Variants in CNTN5 observed in about 807,000 individuals in gnomAD.
CNTN5 encodes contactin-5.
Under a neutral mutation model 129.1 loss-of-function variants are expected in CNTN5, and 77 were observed. That is an observed-to-expected ratio of 0.60 (90% CI 0.50 to 0.72). The LOEUF is 0.72. Ranked by LOEUF, CNTN5 falls within the 30% of genes least tolerant of loss-of-function variation. The probability of loss-of-function intolerance (pLI) is 0.00; values close to 1 mark genes in which losing one functional copy is unlikely to be tolerated. For missense variants in CNTN5, 1,478 were observed against 1,328.8 expected (o/e 1.11, Z -1.75); for synonymous variants, 509 against 465.6 (o/e 1.09, Z -1.20).
chr11:99,325,891 T>C (rs1402595442), intron 2 of CNTN5, among the ~76,000 whole-genome samples: 2 of 152,178 alleles, frequency 1.3e-5, no homozygotes, highest in African/African-American at 4.8e-5. Flanking sequence ...TTTGTGCTTT[T>C]TGTATGTGCT....
intron 1 of CNTN5, among the ~76,000 whole-genome samples, chr11:99,121,493 CAT>C (rs1376495715): frequency 1.3e-5 from 2 of 152,220 alleles, no homozygotes; most frequent in African/African-American, 2.4e-5. Flanking sequence ...CTGCCACTGA[CAT>C]ATTCTGGCCT....
intron 13 of CNTN5, among the ~76,000 whole-genome samples, chr11:100,140,585 T>G (rs535766509): frequency 1.3e-5 from 2 of 150,402 alleles, no homozygotes; most frequent in Admixed American, 6.6e-5. Context: ...TATCAGGGGG[T>G]TTTAATTACT....
At chr11:99,435,795 C>T (rs1943576387) in intron 2 of CNTN5, among the ~76,000 whole-genome samples, 1 of 152,138 alleles carries the variant, frequency 6.6e-6, no homozygotes, top group Non-Finnish European at 1.5e-5. Context: ...TATACATAGA[C>T]AAGCTTCAAT....
chr11:99,096,962 T>C (rs1055342090), intron 1 of CNTN5, among the ~76,000 whole-genome samples: 12 of 151,918 alleles, frequency 7.9e-5, no homozygotes, highest in Non-Finnish European at 1.8e-4. Flanking sequence ...TGTCCTGTTA[T>C]AAGAATTTAA....
At chr11:100,076,280 T>G (rs754490914) in intron 13 of CNTN5, among the ~76,000 whole-genome samples, 1 of 152,150 alleles carries the variant, frequency 6.6e-6, no homozygotes. Context: ...AATGCATGAC[T>G]TTGTTTTATG....
intron 6 of CNTN5, among the ~76,000 whole-genome samples, chr11:99,850,327 C>A (rs912869205): frequency 2.0e-5 from 3 of 152,116 alleles, no homozygotes; most frequent in Non-Finnish European, 2.9e-5. Flanking sequence ...AAGATAACTG[C>A]AGCTATTGTC....
intron 3 of CNTN5, among the ~76,000 whole-genome samples, chr11:99,608,418 A>G (rs962269643): frequency 1.3e-5 from 2 of 152,154 alleles, no homozygotes; most frequent in African/African-American, 4.8e-5. Flanking sequence ...AACAATGTTG[A>G]CCTTCTAACC....
intron 1 of CNTN5, among the ~76,000 whole-genome samples, chr11:99,153,766 A>G (rs117380357): frequency 0.051 from 7,104 of 140,186 alleles, 193 homozygotes; most frequent in Middle Eastern, 0.08. Flanking sequence ...TTACTCCTCT[A>G]TGTGGCCTGA....
At chr11:99,636,945 A>G (rs372018520) in intron 3 of CNTN5, among the ~76,000 whole-genome samples, 4,431 of 40,622 alleles carry the variant, frequency 0.11, 255 homozygotes, top group Middle Eastern at 0.17. Flanking sequence ...CCCAGGAGGC[A>G]GAGGTTGCAG....
At chr11:100,252,335 C>G (rs1949979927) in intron 16 of CNTN5, among the ~76,000 whole-genome samples, 1 of 152,090 alleles carries the variant, frequency 6.6e-6, no homozygotes. Flanking sequence ...CGTGAATAGT[C>G]TGCAAATATT....
chr11:100,276,411 C>A (rs545713721), intron 18 of CNTN5, among the ~76,000 whole-genome samples: 1 of 151,404 alleles, frequency 6.6e-6, no homozygotes, highest in African/African-American at 2.4e-5. Flanking sequence ...TGGTGGCACA[C>A]ACCTGTAATT....
At chr11:99,842,144 C>T (rs953814663) in intron 4 of CNTN5, among the ~76,000 whole-genome samples, 6 of 152,082 alleles carry the variant, frequency 3.9e-5, no homozygotes, top group Non-Finnish European at 5.9e-5. Flanking sequence ...ATGCACCCAC[C>T]TCAGCCTCCC....
intron 3 of CNTN5, among the ~76,000 whole-genome samples, chr11:99,745,840 TAGTA>T (rs577169527): frequency 3.7e-4 from 57 of 152,126 alleles, no homozygotes; most frequent in Non-Finnish European, 6.9e-4. Flanking sequence ...CACTTATAAA[TAGTA>T]AGGAAGACAG....
chr11:99,657,227 GT>G (rs1011943276), intron 3 of CNTN5, among the ~76,000 whole-genome samples: 21 of 152,096 alleles, frequency 1.4e-4, no homozygotes, highest in African/African-American at 4.8e-4. Flanking sequence ...AGCTCGGCAT[GT>G]TAAAGGGAAA....
At chr11:99,323,676 G>A (rs1865664077) in intron 1 of CNTN5, among the ~76,000 whole-genome samples, 1 of 151,940 alleles carries the variant, frequency 6.6e-6, no homozygotes, top group South Asian at 2.1e-4. Flanking sequence ...TCATCTTAAT[G>A]ACAATCCAAG....
intron 7 of CNTN5, among the ~76,000 whole-genome samples, chr11:99,917,904 A>G (rs1949835256): frequency 6.6e-6 from 1 of 152,108 alleles, no homozygotes; most frequent in South Asian, 2.1e-4. Flanking sequence ...AATATATGTA[A>G]ATTAAATGAC....
chr11:99,449,410 C>T (rs771797438), intron 2 of CNTN5, among the ~76,000 whole-genome samples: 2 of 152,106 alleles, frequency 1.3e-5, no homozygotes, highest in Non-Finnish European at 2.9e-5. Context: ...ATTGCTTTCT[C>T]AAAACTTATA....
intron 1 of CNTN5, among the ~76,000 whole-genome samples, chr11:99,225,126 C>G (rs776077245): frequency 6.6e-6 from 1 of 151,820 alleles, no homozygotes; most frequent in Non-Finnish European, 1.5e-5. Context: ...TTAAAGAGAA[C>G]GAGCACAAAT....
chr11:99,821,702 A>T (rs554487370), intron 4 of CNTN5, among the ~76,000 whole-genome samples: 28 of 152,286 alleles, frequency 1.8e-4, no homozygotes, highest in Non-Finnish European at 2.6e-4. Context: ...GTGCTCCTCA[A>T]TCTTTACAGA....
Sources: gnomAD v4.1 joint callset for allele counts (sites outside exome capture counted in the v4.1 genomes callset) on GRCh38, gnomAD v4.1.1 for gene constraint, MANE v1.5 for transcripts, NCBI Gene and HGNC (gene_info 2026-07-23, HGNC 2026-07-21) for gene names.